Variants in AKAP6 observed in about 807,000 individuals in gnomAD.
AKAP6 encodes the protein A-kinase anchoring protein 6.
Under a neutral mutation model 188.5 loss-of-function variants are expected in AKAP6, and 58 were observed. The observed-to-expected ratio is 0.31, with a 90% CI of 0.25 to 0.38. The LOEUF is 0.38. AKAP6 is among the 10% of genes least tolerant of loss of function. AKAP6 has a pLI of 1.00. For synonymous variants in AKAP6, 989 were observed against 998.6 expected (o/e 0.99, Z 0.18); for missense variants, 2,710 against 2,740.0 (o/e 0.99, Z 0.24).
intron 2 of AKAP6, among the ~76,000 whole-genome samples, chr14:32,525,791 C>T (rs755889230): frequency 6.6e-5 from 10 of 152,158 alleles, no homozygotes; most frequent in Non-Finnish European, 1.2e-4. Context: ...GGTGTCCTAA[C>T]AGTGTGGCAT....
chr14:32,821,144 T>C lies in AKAP6; in HGVS notation c.3589-258T>C, dbSNP rs539022055. 1.1e-4 allele frequency among the ~76,000 whole-genome samples: 16 copies of C among 152,340 alleles called. No individual in the cohort carries two copies. In the South Asian group the frequency reaches 3.3e-3, roughly 32 times the overall value. On this transcript the variant is annotated intron_variant, in intron 12 of 13. Transcript: ENST00000280979. ...ATAGGAAATGGCTAATTCCATAAAT[T>C]ACAATTTGACAATAATAATCTTACA...
At chr14:32,531,459 G>A (rs1435603695) in intron 2 of AKAP6, among the ~76,000 whole-genome samples, 1 of 152,202 alleles carries the variant, frequency 6.6e-6, no homozygotes, top group Non-Finnish European at 1.5e-5. Flanking sequence ...AATTTTATGT[G>A]TATTTTACTG....
In AKAP6 at chr14:32,795,760, C is replaced by T. The variant is rs150645916; in HGVS notation, c.3588+21867C>T. Among the ~76,000 whole-genome samples, 1,455 of 152,296 alleles carry T rather than the reference C, an allele frequency of 9.6e-3. 17 individuals carry two copies. The highest frequency in any genetic ancestry group is 0.034 in the African/African-American group (1,408 of 41,556). On this transcript the variant is annotated intron_variant, in intron 12 of 13. Coordinates refer to ENST00000280979, the MANE Select transcript of AKAP6 (RefSeq NM_004274.5). Reference sequence around the variant, plus strand: ...GCCCTCTGTCACCACTCCTATTCAACATGGTACTGGAAGTTCTGCCCAGCA... The same window carrying T: ...GCCCTCTGTCACCACTCCTATTCAATATGGTACTGGAAGTTCTGCCCAGCA...
At chr14:32,520,519 C>T (rs1473584088) in intron 2 of AKAP6, among the ~76,000 whole-genome samples, 2 of 152,100 alleles carry the variant, frequency 1.3e-5, no homozygotes, top group Non-Finnish European at 2.9e-5. Context: ...GGGGATATCA[C>T]CACCAATCCC....
At position 32,562,612 on chromosome 14, in the gene AKAP6, G is replaced by T. The variant is rs1445207865; in HGVS notation, c.2347-14508G>T. 6.6e-5 allele frequency among the ~76,000 whole-genome samples: 10 copies of T among 152,174 alleles called. No individual in the cohort carries two copies. The East Asian group carries it at 1.9e-3, about 29-fold the overall frequency. On this transcript the variant is annotated intron_variant, in intron 4 of 13. Transcript: ENST00000280979. ...GTCTCTACTAAACATATAAAAATTAGCTGCGTGTGGTGACAGGTGCCTGTA... is the reference window on the plus strand; with the variant it reads ...GTCTCTACTAAACATATAAAAATTATCTGCGTGTGGTGACAGGTGCCTGTA...
chr14:32,333,217 G>A (rs544231436), intron 1 of AKAP6, among the ~76,000 whole-genome samples: 2 of 152,130 alleles, frequency 1.3e-5, no homozygotes, highest in South Asian at 2.1e-4. Context: ...GACTACAGGA[G>A]TTAGGTTCCA....
At chr14:32,481,666 C>T (rs571558405) in intron 2 of AKAP6, among the ~76,000 whole-genome samples, 1 of 152,260 alleles carries the variant, frequency 6.6e-6, no homozygotes, top group East Asian at 1.9e-4. Context: ...CGGGTCCCTC[C>T]CATGACATGT....
At chr14:32,381,164 C>T (rs1888344146) in intron 1 of AKAP6, among the ~76,000 whole-genome samples, 1 of 152,066 alleles carries the variant, frequency 6.6e-6, no homozygotes, top group South Asian at 2.1e-4. Context: ...TGGTGAAACC[C>T]TGTCTCTACT....
chr14:32,463,116 TGACA>T (rs1418861256), intron 2 of AKAP6, among the ~76,000 whole-genome samples: 1 of 151,966 alleles, frequency 6.6e-6, no homozygotes, highest in East Asian at 1.9e-4. Context: ...TTTTAGAGAC[TGACA>T]AAGAGACTTA....
chr14:32,360,271 G>A (rs554214603), intron 1 of AKAP6, among the ~76,000 whole-genome samples: 9 of 152,118 alleles, frequency 5.9e-5, no homozygotes, highest in African/African-American at 2.2e-4. Context: ...GGGATTGCAG[G>A]TGCCTGCAAC....
chr14:32,599,558 T>C, intron 6 of AKAP6, 52 bp downstream of exon 6: 1 of 1,411,042 alleles, frequency 7.1e-7, no homozygotes, highest in Non-Finnish European at 1.0e-6. Context: ...CTATTAAGAA[T>C]GAAGAAGCAT....
intron 1 of AKAP6, among the ~76,000 whole-genome samples, chr14:32,400,231 ATT>A (rs747009979): frequency 3.5e-5 from 5 of 144,390 alleles, no homozygotes; most frequent in Middle Eastern, 3.6e-3. Context: ...CTGTGGGTGG[ATT>A]TTTTTTTTTT....
chr14:32,741,816 T>C (rs963821939), intron 11 of AKAP6, among the ~76,000 whole-genome samples: 4 of 139,152 alleles, frequency 2.9e-5, no homozygotes, highest in African/African-American at 8.1e-5. Context: ...TATTAGCCTG[T>C]AGGTTTTTTT....
intron 2 of AKAP6, among the ~76,000 whole-genome samples, chr14:32,454,401 G>C (rs1891048292): frequency 6.6e-6 from 1 of 152,110 alleles, no homozygotes; most frequent in Non-Finnish European, 1.5e-5. Context: ...GAGAATGCTT[G>C]TCCTTCTATA....
chr14:32,699,231 C>T (rs191990257), intron 9 of AKAP6, among the ~76,000 whole-genome samples: 349 of 152,244 alleles, frequency 2.3e-3, no homozygotes, highest in African/African-American at 8.1e-3. Context: ...ACCTCCTAAA[C>T]ATGAAACTAC....
At chr14:32,706,584 A>T (rs1239068759) in intron 9 of AKAP6, among the ~76,000 whole-genome samples, 1 of 152,178 alleles carries the variant, frequency 6.6e-6, no homozygotes, top group African/African-American at 2.4e-5. Context: ...TCATTTGCAG[A>T]AAAACCATTT....
At chr14:32,565,128 C>T (rs1380751199) in intron 4 of AKAP6, among the ~76,000 whole-genome samples, 2 of 152,084 alleles carry the variant, frequency 1.3e-5, no homozygotes, top group Non-Finnish European at 2.9e-5. Flanking sequence ...CATCTGTGCC[C>T]ATGGTCTTTA....
At position 32,823,161 on chromosome 14, in the gene AKAP6, A is replaced by T; in HGVS notation, c.5348A>T (p.Asp1783Val). ...GACGACTCCAGTATTGCAACAGATG[A>T]TGAAATTTATGAAGACTGCACCTTG... ...EDDDSSIATD[D>V]EIYEDCTLMS... is the part of the protein sequence containing the mutation. The change falls in exon 13 of 14, where the codon GAT (aspartate) becomes GTT (valine). Residue 1783 changes from aspartate (D) to valine (V), a missense_variant. By Grantham distance (152) the Asp-to-Val change is radical. This residue lies in a region of AKAP6 where 2,473 missense variants were observed against 2,426.1 expected (regional missense o/e 1.02). Transcript: ENST00000280979. The T allele has an allele frequency of 6.2e-7, 1 of 1,613,822 alleles. No homozygotes were observed. Among genetic ancestry groups the T allele is most frequent in the African/African-American group, 1.3e-5 (1 of 75,004 alleles).
At chr14:32,355,263 T>C (rs1270101143) in intron 1 of AKAP6, among the ~76,000 whole-genome samples, 3 of 152,200 alleles carry the variant, frequency 2.0e-5, no homozygotes, top group Admixed American at 6.5e-5. Flanking sequence ...GTATAGACCA[T>C]GTCATCCTTG....
Sources: gnomAD v4.1 joint callset for allele counts (sites outside exome capture counted in the v4.1 genomes callset) on GRCh38, gnomAD v4.1.1 for gene constraint, gnomAD v4.1.1 regional missense constraint, MANE v1.5 for transcripts, NCBI Gene and HGNC (gene_info 2026-07-23, HGNC 2026-07-21) for gene names.